The following FBH1 variants were observed in gnomAD, a reference collection of about 807,000 sequenced individuals.
FBH1 encodes the protein F-box DNA helicase 1.
Under a neutral mutation model 115.5 loss-of-function variants are expected in FBH1, and 43 were observed. The observed-to-expected ratio is 0.37, with a 90% CI of 0.29 to 0.48. The LOEUF (loss-of-function observed/expected upper bound fraction) is 0.48, where lower values mean the gene tolerates loss of function less well. Among genes scored for constraint, FBH1 ranks in the 20% least tolerant of loss-of-function variants. FBH1 has a pLI of 0.99. For synonymous variants in FBH1, 524 were observed against 507.8 expected, an observed-to-expected ratio of 1.03 and a Z score of -0.43; for missense variants, 1,001 against 1,337.3, an observed-to-expected ratio of 0.75 and a Z score of 3.92.
upstream of FBH1, chr10:5,889,971 A>C: frequency 1.0e-5 from 2 of 196,078 alleles, no homozygotes; most frequent in Non-Finnish European, 2.1e-5. Flanking sequence ...CTCCGCGGGG[A>C]CTCGGGGAGC....
At position 5,913,449 on chromosome 10, in the gene FBH1, A is replaced by G. The variant is rs1050162517; in HGVS notation, c.1212-298A>G. ...CTTCCACTGGTCCTTACAGTTTTTC[A>G]GGTTGTTTGTCTCTTCAAGTCACAG... is the stretch of plus-strand genomic sequence containing the variant. On this transcript the variant is annotated intron_variant, in intron 6 of 20. Coordinates refer to ENST00000362091, the MANE Select transcript of FBH1 (RefSeq NM_178150.3). This position sits in a 1 kb window ranked among gnomAD's most constrained non-coding sequence, Gnocchi z 4.4. Among the ~76,000 whole-genome samples the G allele has an allele frequency of 2.0e-5, 3 of 152,038 alleles. No individual in the cohort carries two copies. Among genetic ancestry groups the G allele is most frequent in the African/African-American group, 4.8e-5 (2 of 41,410 alleles).
At chr10:5,894,320 G>T in intron 1 of FBH1, 1 of 1,518,984 alleles carries the variant, frequency 6.6e-7, no homozygotes, top group East Asian at 2.3e-5. Context: ...AATTTCTTTG[G>T]TTCTGACATT....
chr10:5,926,116 C>CTTATTATTATTA (rs377150683), intron 18 of FBH1, among the ~76,000 whole-genome samples: 30 of 74,162 alleles, frequency 4.0e-4, no homozygotes, highest in African/African-American at 9.5e-4. Context: ...TATTCTTATT[C>CTTATTATTATTA]TTCTTATTAT....
At chr10:5,901,979 A>G (rs571934407) in intron 1 of FBH1, among the ~76,000 whole-genome samples, 1 of 152,382 alleles carries the variant, frequency 6.6e-6, no homozygotes, top group Admixed American at 6.5e-5. Context: ...TTGGTTACAC[A>G]TGGATAAGAA....
At chr10:5,896,849 C>T (rs186314833) in intron 1 of FBH1, among the ~76,000 whole-genome samples, 7 of 152,254 alleles carry the variant, frequency 4.6e-5, no homozygotes, top group African/African-American at 9.6e-5. Flanking sequence ...GTAAAGTGCA[C>T]TTGCTGTGTA....
chr10:5,895,116 C>G lies in FBH1; in HGVS notation c.1+4770C>G. ...GATAATGGGCTACATTGCGCAGGGC[C>G]CCTGGGCCATCTCCACAGGAGATGC... On this transcript the variant is annotated intron_variant, in intron 1 of 20. Transcript: ENST00000362091. The surrounding 1 kb of genome is among the most constrained non-coding windows in gnomAD (Gnocchi z 5.0). The G allele has an allele frequency of 6.2e-7, 1 of 1,614,002 alleles. No homozygotes were observed. The highest frequency in any genetic ancestry group is 8.5e-7 in the Non-Finnish European group (1 of 1,179,956).
chr10:5,905,542 AAAAG>A (rs1422428686), intron 2 of FBH1, among the ~76,000 whole-genome samples: 1 of 152,234 alleles, frequency 6.6e-6, no homozygotes, highest in African/African-American at 2.4e-5. Context: ...ACATAAATAA[AAAAG>A]AAATAAAAAT....
At position 5,910,957 on chromosome 10, in the gene FBH1, T is replaced by G. The variant is rs1303225851; in HGVS notation, c.1040T>G (p.Leu347Arg). 1 of 1,610,804 alleles carries G rather than the reference T, an allele frequency of 6.2e-7. No individual in the cohort carries two copies. The highest frequency in any genetic ancestry group is 1.1e-5 in the South Asian group (1 of 91,012). Residue 347 changes from leucine to arginine, a missense_variant, in exon 6 of 21, where the codon CTG becomes CGG. Physicochemically the swap from Leu to Arg is moderately radical, Grantham distance 102 (BLOSUM62 -2). Around this residue, in one of 4 missense-constraint regions of FBH1, gnomAD observed 59 missense variants for 79.7 expected, o/e 0.74. Coordinates refer to ENST00000362091, the MANE Select transcript of FBH1 (RefSeq NM_178150.3). This position sits in a 1 kb window ranked among gnomAD's most constrained non-coding sequence, Gnocchi z 4.8. ...AAAGGVNIWA[L>R]VAAVVLLSSS... is the part of the protein sequence containing the mutation. ...TTGCAGGGTGTCAACATCTGGGCCC[T>G]GGTGGCGGCTGTGGTGCTCCTCTCC...
At chr10:5,934,176 G>A (rs1021295911) in intron 19 of FBH1, 6 of 152,118 alleles carry the variant, frequency 3.9e-5, no homozygotes, top group Non-Finnish European at 8.8e-5. Context: ...TGCCTAGAAC[G>A]ATAAGCCCCT....
chr10:5,933,486 G>T lies in FBH1; in HGVS notation c.2830-2970G>T, dbSNP rs1374283800. On this transcript the variant is annotated intron_variant, in intron 19 of 20. Transcript: ENST00000362091. The surrounding 1 kb of genome is among the most constrained non-coding windows in gnomAD (Gnocchi z 4.9). ...ATTTTGTTTTCCCCATAGAAGAAAA[G>T]AATACAGAATCTAGAGAAATACTTC... Among the ~76,000 whole-genome samples, 3 of 152,344 alleles carry T rather than the reference G, an allele frequency of 2.0e-5. No homozygotes were observed. Among genetic ancestry groups the T allele is most frequent in the East Asian group, 1.9e-4 (1 of 5,184 alleles).
At chr10:5,934,849 T>C (rs1833227716) in intron 19 of FBH1, 1 of 152,212 alleles carries the variant, frequency 6.6e-6, no homozygotes, top group Non-Finnish European at 1.5e-5. Context: ...GCCTAGCTAA[T>C]TTTTGTATTT....
At position 5,906,371 on chromosome 10, in the gene FBH1, A is replaced by G; in HGVS notation, c.492A>G (p.Gln164=). The G allele has an allele frequency of 1.2e-6, 2 of 1,614,224 alleles. No homozygotes were observed. Among genetic ancestry groups the G allele is most frequent in the East Asian group, 2.2e-5 (1 of 44,884 alleles). Residue 164 remains glutamine, a synonymous_variant, in exon 3 of 21, where the codon CAA becomes CAG. Coordinates refer to ENST00000362091, the MANE Select transcript of FBH1 (RefSeq NM_178150.3). This position sits in a 1 kb window ranked among gnomAD's most constrained non-coding sequence, Gnocchi z 7.3. The stretch of plus-strand genomic sequence containing the variant: ...GCACAAGGCCTAGGGAGGCCAGGCA[A>G]GAAGCAGAGGACAGTACGTCTCGGC... ...VPCTRPREAR[Q]EAEDSTSRLS... is the part of the protein sequence containing the mutation.
rs1237555201 is a variant in FBH1 at position 5,895,823 on chromosome 10, G to T, written c.1+5477G>T. The stretch of plus-strand genomic sequence containing the variant: ...AGTGGAGGGCAGGTCTGGAAGAGGC[G>T]TGTGCTGCTGCTGTTCCCATTGCAT... On this transcript the variant is annotated intron_variant, in intron 1 of 20. Coordinates refer to ENST00000362091, the MANE Select transcript of FBH1 (RefSeq NM_178150.3). The surrounding 1 kb of genome is among the most constrained non-coding windows in gnomAD (Gnocchi z 5.0). Among the ~76,000 whole-genome samples, 1 of 152,190 alleles carries T rather than the reference G, an allele frequency of 6.6e-6. No individual in the cohort carries two copies. Among genetic ancestry groups the T allele is most frequent in the African/African-American group, 2.4e-5 (1 of 41,446 alleles).
chr10:5,930,585 C>T (rs958115430), intron 19 of FBH1, among the ~76,000 whole-genome samples: 2 of 152,204 alleles, frequency 1.3e-5, no homozygotes, highest in East Asian at 1.9e-4. Context: ...TGCTTTGCCT[C>T]GTCACATGAG....
Position 5,923,737 on chromosome 10 carries a change from C to T in FBH1, c.2398+41C>T, listed in dbSNP as rs747702213. Reference sequence around the variant, plus strand: ...GCCTTGGTGCATTGGAAGGACGCACCCAAGTGACAGGGACGAGAAAGAAGC... The same window carrying T: ...GCCTTGGTGCATTGGAAGGACGCACTCAAGTGACAGGGACGAGAAAGAAGC... On this transcript the variant is annotated intron_variant, in intron 16 of 20. Coordinates refer to ENST00000362091, the MANE Select transcript of FBH1 (RefSeq NM_178150.3). The surrounding 1 kb of genome is among the most constrained non-coding windows in gnomAD (Gnocchi z 5.7). The T allele has an allele frequency of 3.2e-6, 5 of 1,560,480 alleles. No homozygotes were observed. The Admixed American group carries it at 6.9e-5, about 21-fold the overall frequency.
rs977967660 is a variant in FBH1 at position 5,913,108 on chromosome 10, G to A, written c.1212-639G>A. Reference sequence around the variant, plus strand: ...ACTTGGAGAGGCTTTGGAACGGCGTGTGCCAGCTGAGTCTGACGAGTCTGA... The same window carrying A: ...ACTTGGAGAGGCTTTGGAACGGCGTATGCCAGCTGAGTCTGACGAGTCTGA... On this transcript the variant is annotated intron_variant, in intron 6 of 20. Transcript: ENST00000362091. This position sits in a 1 kb window ranked among gnomAD's most constrained non-coding sequence, Gnocchi z 4.4. 2.6e-5 allele frequency among the ~76,000 whole-genome samples: 4 copies of A among 152,102 alleles called. No homozygotes were observed. Among genetic ancestry groups the A allele is most frequent in the Admixed American group, 1.3e-4 (2 of 15,272 alleles).
intron 1 of FBH1, among the ~76,000 whole-genome samples, chr10:5,893,740 T>C (rs191353176): frequency 3.3e-5 from 5 of 152,358 alleles, no homozygotes; most frequent in African/African-American, 1.2e-4. Context: ...GTAGCTGCCT[T>C]ATGGGTAGGC....
rs920886953 is a variant in FBH1, at chr10:5,931,073, G to T, written c.2829+3532G>T. Among the ~76,000 whole-genome samples the T allele has an allele frequency of 6.6e-6, 1 of 152,122 alleles. No homozygotes were observed. The highest frequency in any genetic ancestry group is 2.4e-5 in the African/African-American group (1 of 41,418). Reference sequence around the variant, plus strand: ...ACCAGGCAAATTTCAACATTTTGTTGTTAAATATAACACAAGTATATAAAA... The same window carrying T: ...ACCAGGCAAATTTCAACATTTTGTTTTTAAATATAACACAAGTATATAAAA... On this transcript the variant is annotated intron_variant, in intron 19 of 20. Coordinates refer to ENST00000362091, the MANE Select transcript of FBH1 (RefSeq NM_178150.3). This position sits in a 1 kb window ranked among gnomAD's most constrained non-coding sequence, Gnocchi z 4.3.
In FBH1 at chr10:5,900,774, G is replaced by A. The variant is rs1006782591; in HGVS notation, c.2-2246G>A. ...TAAACTATATCAGCTAAATCACTGG[G>A]GTCTTGGCTTTATGTATTTTCAAGC... On this transcript the variant is annotated intron_variant, in intron 1 of 20. Transcript: ENST00000362091. This position sits in a 1 kb window ranked among gnomAD's most constrained non-coding sequence, Gnocchi z 4.2. 2.6e-5 allele frequency among the ~76,000 whole-genome samples: 4 copies of A among 152,110 alleles called. No homozygotes were observed. The highest frequency in any genetic ancestry group is 4.4e-5 in the Non-Finnish European group (3 of 68,026).
Sources: allele counts gnomAD v4.1 joint callset (sites outside exome capture counted in the v4.1 genomes callset), GRCh38; gene constraint gnomAD v4.1.1; regional missense constraint gnomAD v4.1.1; non-coding constraint Gnocchi (gnomAD v3.1); transcripts MANE v1.5; gene names NCBI Gene and HGNC (gene_info 2026-07-23, HGNC 2026-07-21).